The following ARHGAP6 variants were observed in gnomAD, a reference collection of about 807,000 sequenced individuals.
ARHGAP6 encodes Rho GTPase activating protein 6.
ARHGAP6 carries 16 observed loss-of-function variants against 55.7 expected under a neutral mutation model. The ratio of observed to expected loss-of-function variants is 0.29; its 90% CI spans 0.19 to 0.44. ARHGAP6 has a LOEUF of 0.44. ARHGAP6 is among the 20% of genes least tolerant of loss of function. The probability of loss-of-function intolerance (pLI) is 1.00; values close to 1 mark genes in which losing one functional copy is unlikely to be tolerated. For synonymous variants in ARHGAP6, 382 were observed against 360.9 expected (o/e 1.06, Z -0.66); for missense variants, 698 against 808.9 (o/e 0.86, Z 1.66).
At chrX:11,600,010 A>G (rs2051950790) in intron 1 of ARHGAP6, among the ~76,000 whole-genome samples, 1 of 112,051 alleles carries the variant, frequency 8.9e-6, no homozygotes, top group Admixed American at 9.5e-5. Flanking sequence ...GCAATTTGTA[A>G]TAAGTCTGGG....
intron 9 of ARHGAP6, among the ~76,000 whole-genome samples, chrX:11,161,745 T>TATTA (rs1306768553): frequency 1.8e-5 from 2 of 112,504 alleles, no homozygotes; most frequent in Non-Finnish European, 3.8e-5. Context: ...TATTAGTTTT[T>TATTA]ATTAACAGTC....
chrX:11,368,051 A>C (rs1387627634), intron 1 of ARHGAP6, among the ~76,000 whole-genome samples: 1 of 112,366 alleles, frequency 8.9e-6, no homozygotes, highest in African/African-American at 3.2e-5. Context: ...TAAACCCACA[A>C]GTTTTGACTG....
chrX:11,330,182 T>A (rs1826373585), intron 1 of ARHGAP6, among the ~76,000 whole-genome samples: 1 of 112,926 alleles, frequency 8.9e-6, no homozygotes, highest in Non-Finnish European at 1.9e-5. Context: ...GGTTAAAGGG[T>A]GCAAAGCCTC....
intron 1 of ARHGAP6, among the ~76,000 whole-genome samples, chrX:11,368,149 TG>T (rs1036149414): frequency 3.6e-5 from 4 of 112,521 alleles, no homozygotes; most frequent in Admixed American, 2.8e-4. Flanking sequence ...CAGATTGCCG[TG>T]GGTCTTGCAT....
At chrX:11,289,813 C>T (rs1480373339) in intron 1 of ARHGAP6, among the ~76,000 whole-genome samples, 1 of 110,801 alleles carries the variant, frequency 9.0e-6, no homozygotes, top group Non-Finnish European at 1.9e-5. Context: ...GGTGAAACCC[C>T]GTCTCTACTA....
At chrX:11,632,487 T>C (rs1178988528) in intron 1 of ARHGAP6, among the ~76,000 whole-genome samples, 2 of 112,400 alleles carry the variant, frequency 1.8e-5, no homozygotes, top group African/African-American at 6.5e-5. Flanking sequence ...TATTAACATT[T>C]GCAAAGCTCC....
intron 1 of ARHGAP6, among the ~76,000 whole-genome samples, chrX:11,460,705 G>A (rs2050235945): frequency 8.9e-6 from 1 of 111,797 alleles, no homozygotes; most frequent in African/African-American, 3.3e-5. Context: ...TTATATTTAA[G>A]TGCCTCCTCC....
At chrX:11,309,715 C>T (rs1206720187) in intron 1 of ARHGAP6, among the ~76,000 whole-genome samples, 2 of 110,970 alleles carry the variant, frequency 1.8e-5, no homozygotes, top group African/African-American at 6.6e-5. Context: ...TATCCAGAAT[C>T]TGAAGAACTC....
intron 1 of ARHGAP6, among the ~76,000 whole-genome samples, chrX:11,653,172 T>G (rs17321509): frequency 0.025 from 2,752 of 112,129 alleles, 36 homozygotes; most frequent in Non-Finnish European, 0.042. Context: ...CTTTTCAGTT[T>G]CCAACATTCT....
chrX:11,499,813 G>A (rs987067646), intron 1 of ARHGAP6, among the ~76,000 whole-genome samples: 1 of 111,625 alleles, frequency 9.0e-6, no homozygotes. Context: ...ATGGAGGTCT[G>A]CCCCTGGACA....
chrX:11,392,463 C>T (rs1366143373), intron 1 of ARHGAP6, among the ~76,000 whole-genome samples: 3 of 111,788 alleles, frequency 2.7e-5, no homozygotes, highest in Non-Finnish European at 5.6e-5. Flanking sequence ...CCATGCCCTG[C>T]TGAAACATGA....
intron 1 of ARHGAP6, among the ~76,000 whole-genome samples, chrX:11,557,450 T>C (rs5935105): frequency 1.3e-3 from 136 of 108,131 alleles, no homozygotes; most frequent in Non-Finnish European, 1.6e-3. Flanking sequence ...ATTTGTTTCT[T>C]TTTTTTTGTT....
intron 1 of ARHGAP6, among the ~76,000 whole-genome samples, chrX:11,475,112 A>G (rs952430194): frequency 3.6e-5 from 4 of 111,759 alleles, no homozygotes. Context: ...AGACAAAGAC[A>G]GGCATTCAAT....
At chrX:11,548,539 G>A (rs2051234319) in intron 1 of ARHGAP6, among the ~76,000 whole-genome samples, 1 of 111,539 alleles carries the variant, frequency 9.0e-6, no homozygotes, top group Non-Finnish European at 1.9e-5. Flanking sequence ...GACTTATCTT[G>A]CTTAACATAA....
At chrX:11,437,093 G>A (rs1487428372) in intron 1 of ARHGAP6, among the ~76,000 whole-genome samples, 1 of 110,504 alleles carries the variant, frequency 9.0e-6, no homozygotes, top group Non-Finnish European at 1.9e-5. Context: ...GGGAGGGAGG[G>A]AGAAAGGGAA....
intron 1 of ARHGAP6, among the ~76,000 whole-genome samples, chrX:11,476,447 T>C (rs954341154): frequency 2.2e-4 from 25 of 111,614 alleles, no homozygotes; most frequent in Admixed American, 1.9e-4. Context: ...CAAAATCCCA[T>C]CATCAGTTCT....
chrX:11,250,852 T>A (rs1304705491), intron 2 of ARHGAP6, among the ~76,000 whole-genome samples: 1 of 111,759 alleles, frequency 8.9e-6, no homozygotes, highest in East Asian at 2.8e-4. Context: ...GTTCCAGGGA[T>A]GTGGATGTGG....
At chrX:11,527,598 C>A (rs1224757362) in intron 1 of ARHGAP6, among the ~76,000 whole-genome samples, 2 of 111,390 alleles carry the variant, frequency 1.8e-5, no homozygotes, top group Non-Finnish European at 3.8e-5. Flanking sequence ...GGCGACAGAG[C>A]GAGATTCCAT....
At chrX:11,615,259 A>G (rs2052150103) in intron 1 of ARHGAP6, among the ~76,000 whole-genome samples, 1 of 111,002 alleles carries the variant, frequency 9.0e-6, no homozygotes, top group African/African-American at 3.3e-5. Flanking sequence ...TTCTCTTTGC[A>G]TTCTCCTGAC....
Sources: gnomAD v4.1 joint callset for allele counts (sites outside exome capture counted in the v4.1 genomes callset) on GRCh38, gnomAD v4.1.1 for gene constraint, MANE v1.5 for transcripts, NCBI Gene and HGNC (gene_info 2026-07-23, HGNC 2026-07-21) for gene names.